The following LRMDA variants were observed in gnomAD, a reference collection of about 807,000 sequenced individuals.
The protein encoded by LRMDA is leucine rich melanocyte differentiation associated, also known as leucine-rich melanocyte differentiation-associated protein.
LRMDA carries 18 observed loss-of-function variants against 29.8 expected under a neutral mutation model. The ratio of observed to expected loss-of-function variants is 0.60; its 90% CI spans 0.42 to 0.90. The LOEUF (loss-of-function observed/expected upper bound fraction) is 0.90. Ranked by LOEUF, LRMDA falls within the 40% of genes least tolerant of loss-of-function variation. The pLI is 0.00. For missense variants in LRMDA, 273 were observed against 273.9 expected, an observed-to-expected ratio of 1.00 and a Z score of 0.02; for synonymous variants, 125 against 109.4, an observed-to-expected ratio of 1.14 and a Z score of -0.89.
At chr10:75,893,901 C>A (rs142274186) in intron 2 of LRMDA, among the ~76,000 whole-genome samples, 1,578 of 149,594 alleles carry the variant, frequency 0.011, 28 homozygotes, top group African/African-American at 0.037. Flanking sequence ...CCACTGCACT[C>A]CAGCCTGGGT....
chr10:76,162,771 G>A (rs1850671439), intron 5 of LRMDA, among the ~76,000 whole-genome samples: 1 of 152,072 alleles, frequency 6.6e-6, no homozygotes, highest in Admixed American at 6.6e-5. Context: ...TGAGATTTGG[G>A]GAGGACACGC....
chr10:76,053,912 C>A (rs964157148), intron 4 of LRMDA, among the ~76,000 whole-genome samples: 4 of 152,216 alleles, frequency 2.6e-5, no homozygotes, highest in Non-Finnish European at 4.4e-5. Flanking sequence ...ATTTCAGGCC[C>A]AGTTCCAGAA....
At chr10:76,061,395 G>A (rs1848699123) in intron 5 of LRMDA, among the ~76,000 whole-genome samples, 1 of 152,092 alleles carries the variant, frequency 6.6e-6, no homozygotes, top group Admixed American at 6.6e-5. Flanking sequence ...GGAGAGAGAG[G>A]AGCAGAAAAA....
intron 6 of LRMDA, among the ~76,000 whole-genome samples, chr10:76,359,964 G>T (rs1220487858): frequency 6.6e-6 from 1 of 151,950 alleles, no homozygotes; most frequent in Non-Finnish European, 1.5e-5. Flanking sequence ...GTTGCCCTTG[G>T]ATCGGTCCAG....
At chr10:75,936,079 G>A (rs1564611572) in intron 2 of LRMDA, among the ~76,000 whole-genome samples, 1 of 152,146 alleles carries the variant, frequency 6.6e-6, no homozygotes, top group Non-Finnish European at 1.5e-5. Context: ...GCCTGGTTGA[G>A]TTTGGTAAGA....
At chr10:76,093,586 T>C (rs1389132143) in intron 5 of LRMDA, among the ~76,000 whole-genome samples, 4 of 152,022 alleles carry the variant, frequency 2.6e-5, no homozygotes, top group African/African-American at 4.8e-5. Context: ...TCCTCCTCCT[T>C]CTCCTCCATC....
intron 2 of LRMDA, among the ~76,000 whole-genome samples, chr10:75,483,132 A>G (rs545384810): frequency 6.6e-6 from 1 of 152,216 alleles, no homozygotes; most frequent in African/African-American, 2.4e-5. Flanking sequence ...TAGTTAGTAG[A>G]GATGGGGTTT....
intron 5 of LRMDA, among the ~76,000 whole-genome samples, chr10:76,227,066 A>C (rs1228228121): frequency 3.3e-5 from 5 of 152,226 alleles, no homozygotes; most frequent in African/African-American, 1.2e-4. Flanking sequence ...TGTTATCTGA[A>C]TCACATGATG....
At position 76,036,097 on chromosome 10, in the gene LRMDA, T is replaced by A. The variant is rs775357993; in HGVS notation, c.221T>A (p.Leu74Ter). The A allele has an allele frequency of 6.2e-7, 1 of 1,614,102 alleles. No individual in the cohort carries two copies. The highest frequency in any genetic ancestry group is 8.5e-7 in the Non-Finnish European group (1 of 1,180,024). The change falls in exon 3 of 7, where the codon TTA becomes TAA. Residue 74 changes from leucine to a stop codon, truncating the protein, a stop_gained. Transcript: ENST00000611255. LOFTEE classifies it high-confidence loss of function. ...GGGGACGACCTTGTGTTGCCAGGGTTACCCAGACTGCATACCTTAACCCTC... is the reference window on the plus strand; with the variant it reads ...GGGGACGACCTTGTGTTGCCAGGGTAACCCAGACTGCATACCTTAACCCTC... ...QLGDDLVLPG[L>*]PRLHTLTLNK...
intron 5 of LRMDA, among the ~76,000 whole-genome samples, chr10:76,203,154 C>T (rs1851464448): frequency 6.6e-6 from 1 of 152,186 alleles, no homozygotes; most frequent in African/African-American, 2.4e-5. Context: ...TAGAAAGTGA[C>T]TGGACATTTT....
Position 76,351,217 on chromosome 10 carries a change from C to T in LRMDA, c.601+26732C>T, listed in dbSNP as rs539590657. Among the ~76,000 whole-genome samples, 25 of 152,204 alleles carry T rather than the reference C, an allele frequency of 1.6e-4. No individual in the cohort carries two copies. The East Asian group carries it at 4.5e-3, about 27-fold the overall frequency. Reference sequence around the variant, plus strand: ...AGGATGCAGCTCCACGCATTGACTCCGAAACAGCCATACATGGCTGCAGAG... The same window carrying T: ...AGGATGCAGCTCCACGCATTGACTCTGAAACAGCCATACATGGCTGCAGAG... On this transcript the variant is annotated intron_variant, in intron 6 of 6. Coordinates refer to ENST00000611255, the MANE Select transcript of LRMDA (RefSeq NM_001305581.2).
chr10:75,767,456 G>A (rs73290568), intron 2 of LRMDA, among the ~76,000 whole-genome samples: 9,830 of 152,082 alleles, frequency 0.065, 814 homozygotes, highest in African/African-American at 0.2. Flanking sequence ...CCTTGTTCCT[G>A]CTGTGTCTTG....
intron 2 of LRMDA, among the ~76,000 whole-genome samples, chr10:75,553,924 G>A (rs943800523): frequency 1.3e-5 from 2 of 152,022 alleles, no homozygotes; most frequent in African/African-American, 4.8e-5. Flanking sequence ...GGGCTCTTGG[G>A]AATTCTAAAC....
intron 2 of LRMDA, among the ~76,000 whole-genome samples, chr10:75,753,142 C>T (rs1842987722): frequency 6.6e-6 from 1 of 151,952 alleles, no homozygotes. Context: ...TCTGAAGGTA[C>T]CCTGTTCATT....
chr10:75,726,535 C>T (rs769276102), intron 2 of LRMDA, among the ~76,000 whole-genome samples: 15 of 152,114 alleles, frequency 9.9e-5, no homozygotes, highest in East Asian at 1.9e-4. Flanking sequence ...CCAGGTCTTA[C>T]GATTTCTTAC....
intron 2 of LRMDA, among the ~76,000 whole-genome samples, chr10:75,862,630 A>G (rs952245890): frequency 6.6e-6 from 1 of 152,192 alleles, no homozygotes; most frequent in Non-Finnish European, 1.5e-5. Flanking sequence ...TGTCACCCTC[A>G]TTAGTATTTA....
intron 5 of LRMDA, among the ~76,000 whole-genome samples, chr10:76,228,571 A>G (rs559176913): frequency 6.6e-6 from 1 of 152,226 alleles, no homozygotes; most frequent in East Asian, 1.9e-4. Context: ...CAAAGATGAA[A>G]TCATAGGGGG....
At chr10:76,213,343 A>G (rs1293023587) in intron 5 of LRMDA, among the ~76,000 whole-genome samples, 2 of 152,204 alleles carry the variant, frequency 1.3e-5, no homozygotes, top group Non-Finnish European at 2.9e-5. Context: ...TTTACCCAAG[A>G]CCCTGGTTGT....
chr10:76,410,154 G>A (rs1337416594), intron 6 of LRMDA, among the ~76,000 whole-genome samples: 1 of 152,038 alleles, frequency 6.6e-6, no homozygotes, highest in African/African-American at 2.4e-5. Flanking sequence ...CATTGTGGGA[G>A]GGGATAGAGA....
Sources: allele counts gnomAD v4.1 joint callset (sites outside exome capture counted in the v4.1 genomes callset), GRCh38; gene constraint gnomAD v4.1.1; transcripts MANE v1.5; gene names NCBI Gene and HGNC (gene_info 2026-07-23, HGNC 2026-07-21).